Variants in BAG6 observed in about 807,000 individuals in gnomAD.
BAG6 encodes BAG cochaperone 6, also known as large proline-rich protein BAG6.
A neutral mutation model predicts 121.0 loss-of-function variants in BAG6; 22 were observed. That is an observed-to-expected ratio of 0.18 (90% CI 0.13 to 0.26). BAG6 has a LOEUF of 0.26. BAG6 is among the 10% of genes least tolerant of loss of function. The probability of loss-of-function intolerance (pLI) is 1.00; values close to 1 mark genes in which losing one functional copy is unlikely to be tolerated. For missense variants in BAG6, 1,233 were observed against 1,537.7 expected, an observed-to-expected ratio of 0.80 and a Z score of 3.31; for synonymous variants, 583 against 584.6, an observed-to-expected ratio of 1.00 and a Z score of 0.04.
rs2150674770 is a variant in BAG6, at chr6:31,640,637, T to C, written c.2994+8A>G. Reference sequence around the variant, plus strand: ...TCTGGCCCCTCAACCTCCCCCTCTCTAGAGTACCTGAGGCTCAGGGGAAGC... The same window carrying C: ...TCTGGCCCCTCAACCTCCCCCTCTCCAGAGTACCTGAGGCTCAGGGGAAGC... On this transcript the variant is annotated splice_region_variant and intron_variant, in intron 22 of 25. Coordinates refer to ENST00000676615, the MANE Select transcript of BAG6 (RefSeq NM_001387994.1). The surrounding 1 kb of genome is among the most constrained non-coding windows in gnomAD (Gnocchi z 4.2). The C allele has an allele frequency of 6.8e-6, 11 of 1,612,902 alleles. No homozygotes were observed. Among genetic ancestry groups the C allele is most frequent in the Non-Finnish European group, 9.3e-6 (11 of 1,179,920 alleles).
Position 31,648,698 on chromosome 6 carries a change from C to T in BAG6, c.531G>A (p.Gln177=), listed in dbSNP as rs769612792. The T allele has an allele frequency of 3.1e-6, 5 of 1,613,958 alleles. No individual in the cohort carries two copies. The South Asian group carries it at 5.5e-5, about 18-fold the overall frequency. ...TTACCTCCATCCGGGATAGTAAGGT[C>T]TGTATATCCCTGATCATGTGCTGAG... is the stretch of plus-strand genomic sequence containing the variant. The part of the protein sequence containing the change: ...VMAQHMIRDI[Q]TLLSRMECRG... Residue 177 remains glutamine (Q), a synonymous_variant, in exon 6 of 26, where the codon CAG becomes CAA. Transcript: ENST00000676615.
intron 2 of BAG6, among the ~76,000 whole-genome samples, chr6:31,650,687 AAG>A (rs1189336043): frequency 6.6e-6 from 1 of 152,046 alleles, no homozygotes; most frequent in Non-Finnish European, 1.5e-5. Context: ...AAAAAGCAAA[AAG>A]AGAAATATTT....
In BAG6 at chr6:31,641,681, G is replaced by C; in HGVS notation, c.2506-89C>G. 6.2e-7 allele frequency: 1 copy of C among 1,610,736 alleles called. No individual in the cohort carries two copies. Among genetic ancestry groups the C allele is most frequent in the East Asian group, 2.2e-5 (1 of 44,870 alleles). ...CCCAACAAGTCCAGGGCTTGTGTGG[G>C]GGCAATTGGAGCTTTACCTGGCAGA... On this transcript the variant is annotated intron_variant, in intron 17 of 25. Coordinates refer to ENST00000676615, the MANE Select transcript of BAG6 (RefSeq NM_001387994.1). The surrounding 1 kb of genome is among the most constrained non-coding windows in gnomAD (Gnocchi z 5.7).
chr6:31,639,275 T>C, intron 25 of BAG6, 49 bp from the exon 26 acceptor site: 1 of 1,531,276 alleles, frequency 6.5e-7, no homozygotes, highest in Non-Finnish European at 9.0e-7. Flanking sequence ...CAAGTCCCCA[T>C]GATCCCAGCA....
intron 15 of BAG6, 182 bp from the exon 16 acceptor site, chr6:31,642,585 C>T: frequency 1.6e-6 from 1 of 636,690 alleles, no homozygotes; most frequent in South Asian, 2.0e-5. Flanking sequence ...GCACAACTTA[C>T]CTACCTCTTC....
At chr6:31,650,159 C>A in intron 2 of BAG6, among the ~76,000 whole-genome samples, 1 of 151,408 alleles carries the variant, frequency 6.6e-6, no homozygotes, top group Non-Finnish European at 1.5e-5. Context: ...AAAAATAACA[C>A]GGATGAAAAA....
intron 1 of BAG6, 125 bp downstream of exon 1, chr6:31,652,298 CG>C (rs1484641470): frequency 1.3e-5 from 2 of 158,714 alleles, no homozygotes; most frequent in African/African-American, 4.9e-5. Flanking sequence ...TCCAGCAGAA[CG>C]GCACAACTAA....
At chr6:31,645,275 A>G (rs1041879542) in intron 9 of BAG6, 77 bp from the exon 10 acceptor site, 16 of 1,603,308 alleles carry the variant, frequency 1.0e-5, no homozygotes, top group South Asian at 4.5e-5. Flanking sequence ...ATAAACCTCT[A>G]AAGTATCTCC....
rs375114527 is a variant in BAG6 at position 31,644,220 on chromosome 6, G to A, written c.1556-26C>T. 2.1e-5 allele frequency: 34 copies of A among 1,600,680 alleles called. No individual in the cohort carries two copies. Among genetic ancestry groups the A allele is most frequent in the African/African-American group, 5.4e-5 (4 of 74,624 alleles). ...CTGTGGGTGGCAGAAGAGACAGACC[G>A]AAGAGGGCTGAGGGCCAGGCCCTTG... On this transcript the variant is annotated intron_variant, in intron 12 of 25. Coordinates refer to ENST00000676615, the MANE Select transcript of BAG6 (RefSeq NM_001387994.1). This position sits in a 1 kb window ranked among gnomAD's most constrained non-coding sequence, Gnocchi z 4.9.
In BAG6 at chr6:31,639,334, A is replaced by T. The variant is rs743400; in HGVS notation, c.3394-108T>A. ...AGCTAACATTTCCCCCCCCAAGCACACTGTCAAATAGCCCGGGGTGGCACT... is the reference window on the plus strand; with the variant it reads ...AGCTAACATTTCCCCCCCCAAGCACTCTGTCAAATAGCCCGGGGTGGCACT... On this transcript the variant is annotated intron_variant, in intron 25 of 25. Coordinates refer to ENST00000676615, the MANE Select transcript of BAG6 (RefSeq NM_001387994.1). 5 of 1,435,370 alleles carry T rather than the reference A, an allele frequency of 3.5e-6. No individual in the cohort carries two copies. The East Asian group carries it at 1.1e-4, about 33-fold the overall frequency. 88.9% of individuals were successfully genotyped at this position (1,435,370 alleles called of 1,614,324 possible).
Position 31,645,398 on chromosome 6 carries a change from C to T in BAG6, c.1116+9G>A, listed in dbSNP as rs1787956637. On this transcript the variant is annotated intron_variant, in intron 9 of 25. Transcript: ENST00000676615. ...CACTCTCCCTCAGGCCAGACTCCCC[C>T]TAACCCACCTGTATGGGAATGGCTG... is the stretch of plus-strand genomic sequence containing the variant. 32 of 1,613,082 alleles carry T rather than the reference C, an allele frequency of 2.0e-5. No individual in the cohort carries two copies. Among genetic ancestry groups the T allele is most frequent in the Non-Finnish European group, 2.7e-5 (32 of 1,180,036 alleles).
intron 24 of BAG6, 39 bp from the exon 25 acceptor site, chr6:31,639,685 G>T: frequency 1.3e-6 from 2 of 1,576,194 alleles, no homozygotes; most frequent in Non-Finnish European, 1.7e-6. Flanking sequence ...GAGGATCAAC[G>T]TCAGATCCAG....
chr6:31,643,102 TG>T lies in BAG6; in HGVS notation c.1769del (p.Pro590GlnfsTer56). ...CAGGGGCTGGCGGTGGAGCCATACCTGGGGTCCCCTGAGCTGTAAGAAACCA... is the reference window on the plus strand; with the variant it reads ...CAGGGGCTGGCGGTGGAGCCATACCTGGGTCCCCTGAGCTGTAAGAAACCA... ...MQPVLVAQGT[P>X]GMAPPPAPAT... is the part of the protein sequence containing the mutation. On this transcript the variant is annotated frameshift_variant, in exon 15 of 26. Transcript: ENST00000676615. LOFTEE classifies it high-confidence loss of function. The T allele has an allele frequency of 6.4e-7, 1 of 1,574,032 alleles. No homozygotes were observed.
Position 31,640,043 on chromosome 6 carries a change from C to A in BAG6, c.3246+156G>T, listed in dbSNP as rs564725487. ...CAAGTCCTGTATGGTTATGCAACAA[C>A]CAAGAGCAAGTCTGAATCCCAGAAA... On this transcript the variant is annotated intron_variant, in intron 24 of 25. Transcript: ENST00000676615. The surrounding 1 kb of genome is among the most constrained non-coding windows in gnomAD (Gnocchi z 4.2). 2.0e-5 allele frequency among the ~76,000 whole-genome samples: 3 copies of A among 152,170 alleles called. No individual in the cohort carries two copies. Among genetic ancestry groups the A allele is most frequent in the Non-Finnish European group, 4.4e-5 (3 of 68,038 alleles).
In BAG6 at chr6:31,639,124, C is replaced by T. The variant is rs757210431; in HGVS notation, c.*7G>A. The T allele has an allele frequency of 1.9e-6, 3 of 1,610,070 alleles. No homozygotes were observed. Among genetic ancestry groups the T allele is most frequent in the Non-Finnish European group, 2.5e-6 (3 of 1,176,974 alleles). On this transcript the variant is annotated 3_prime_UTR_variant, in exon 26 of 26. Coordinates refer to ENST00000676615, the MANE Select transcript of BAG6 (RefSeq NM_001387994.1). ...CCCCTGATGAGGAAGGGCCATAGAG[C>T]AAAGAGCTAAGGATCATCAGCAAAG...
Position 31,640,102 on chromosome 6 carries a change from G to T in BAG6, c.3246+97C>A. The stretch of plus-strand genomic sequence containing the variant: ...TCATTAAACGAGGGGAGGGGAGACT[G>T]AATAACAAGAGCTCCCACCATCTCT... On this transcript the variant is annotated intron_variant, in intron 24 of 25. Transcript: ENST00000676615. This position sits in a 1 kb window ranked among gnomAD's most constrained non-coding sequence, Gnocchi z 4.2. 1 of 1,253,872 alleles carries T rather than the reference G, an allele frequency of 8.0e-7. No homozygotes were observed. The highest frequency in any genetic ancestry group is 1.1e-6 in the Non-Finnish European group (1 of 876,020). 77.7% of individuals were successfully genotyped at this position (1,253,872 alleles called of 1,614,324 possible).
Position 31,642,983 on chromosome 6 carries a change from G to A in BAG6, c.1889C>T (p.Pro630Leu), listed in dbSNP as rs779360570. 1 of 1,599,082 alleles carries A rather than the reference G, an allele frequency of 6.3e-7. No individual in the cohort carries two copies. Among genetic ancestry groups the A allele is most frequent in the Non-Finnish European group, 8.5e-7 (1 of 1,173,586 alleles). ...AGAGAACTGAAGATCAGCCATGGAG[G>A]GTTGAGGGGTGGGTGGAGGCTGGGC... ...GPAQPPPTPQ[P>L]SMADLQFSQL... Residue 630 changes from proline to leucine, a missense_variant, in exon 15 of 26, where the codon CCC becomes CTC. By Grantham distance (98) the Pro-to-Leu change is moderately conservative. Coordinates refer to ENST00000676615, the MANE Select transcript of BAG6 (RefSeq NM_001387994.1).
chr6:31,645,226 G>A (rs896024445), intron 9 of BAG6, 28 bp from the exon 10 acceptor site: 3 of 1,601,394 alleles, frequency 1.9e-6, no homozygotes, highest in South Asian at 1.1e-5. Flanking sequence ...ACAGGCAGAT[G>A]TGAGAAAAAT....
chr6:31,652,027 G>A (rs1797396101), intron 1 of BAG6: 7 of 438,972 alleles, frequency 1.6e-5, no homozygotes, highest in Non-Finnish European at 2.1e-5. Flanking sequence ...ACAATAAGCA[G>A]GGAGCCAGTC....
Sources: allele counts gnomAD v4.1 joint callset (sites outside exome capture counted in the v4.1 genomes callset), GRCh38; gene constraint gnomAD v4.1.1; non-coding constraint Gnocchi (gnomAD v3.1); transcripts MANE v1.5; gene names NCBI Gene and HGNC (gene_info 2026-07-23, HGNC 2026-07-21).